GNG2: variants seen among roughly 807,000 people sequenced by gnomAD.
GNG2 encodes the protein guanine nucleotide-binding protein G(I)/G(S)/G(O) subunit gamma-2.
GNG2 carries 5 observed loss-of-function variants against 5.5 expected under a neutral mutation model. The observed-to-expected ratio is 0.91, with a 90% CI of 0.48 to 1.92. GNG2 has a LOEUF of 1.92. GNG2 is among the 30% of genes most tolerant of loss of function. The probability of loss-of-function intolerance (pLI) is 0.01; values close to 1 mark genes in which losing one functional copy is unlikely to be tolerated. For missense variants in GNG2, 55 were observed against 88.4 expected (o/e 0.62, Z 1.52); for synonymous variants, 28 against 32.0 (o/e 0.88, Z 0.42).
intron 2 of GNG2, among the ~76,000 whole-genome samples, chr14:51,852,571 C>T (rs554809657): frequency 1.7e-4 from 26 of 152,334 alleles, no homozygotes; most frequent in African/African-American, 4.3e-4. Flanking sequence ...CTAGCTTAGT[C>T]ATTTTCCTTT....
At chr14:51,869,598 A>G (rs1472162221) in intron 1 of GNG2, among the ~76,000 whole-genome samples, 1 of 152,108 alleles carries the variant, frequency 6.6e-6, no homozygotes, top group African/African-American at 2.4e-5. Context: ...TTGCAGCCTC[A>G]GCCTGCAGGT....
intron 2 of GNG2, among the ~76,000 whole-genome samples, chr14:51,880,226 T>G (rs1243042334): frequency 1.3e-5 from 2 of 152,124 alleles, no homozygotes; most frequent in African/African-American, 2.4e-5. Flanking sequence ...CTCTGGAGGG[T>G]TTGCCTACAG....
chr14:51,949,039 T>C (rs8003709), intron 2 of GNG2, among the ~76,000 whole-genome samples: 9,343 of 150,830 alleles, frequency 0.062, 562 homozygotes, highest in East Asian at 0.29. Context: ...GAGAATGGCA[T>C]GAACCTGGGT....
chr14:51,873,508 A>G (rs1883442499), intron 1 of GNG2, among the ~76,000 whole-genome samples: 1 of 152,274 alleles, frequency 6.6e-6, no homozygotes, highest in Non-Finnish European at 1.5e-5. Flanking sequence ...CTGAGAGGGA[A>G]GTGAAGAAAC....
intron 2 of GNG2, among the ~76,000 whole-genome samples, chr14:51,843,085 C>T (rs1484192266): frequency 6.6e-6 from 1 of 152,136 alleles, no homozygotes; most frequent in Non-Finnish European, 1.5e-5. Context: ...AGACTAACAA[C>T]CCAATTAAGT....
chr14:51,832,283 A>G (rs201893155), intron 2 of GNG2, among the ~76,000 whole-genome samples: 20 of 19,846 alleles, frequency 1.0e-3, no homozygotes, highest in Non-Finnish European at 2.6e-3. Context: ...TGTTACAGGG[A>G]GAAAAAAAAA....
Position 51,865,274 on chromosome 14 carries a change from T to A in GNG2, c.-71+4484T>A, listed in dbSNP as rs149588874. Among the ~76,000 whole-genome samples the A allele has an allele frequency of 4.3e-4, 66 of 152,252 alleles. 1 individual carries two copies. In the East Asian group the frequency reaches 0.011, roughly 25 times the overall value. On this transcript the variant is annotated intron_variant, in intron 1 of 3. Transcript: ENST00000556766. ...AAGCCAGGTGCCTGTCTTTACTAGA[T>A]CTGGGTGGGAGAGGAGAGTTGCAGA...
intron 2 of GNG2, among the ~76,000 whole-genome samples, chr14:51,950,321 G>A (rs922722718): frequency 6.6e-6 from 1 of 152,198 alleles, no homozygotes; most frequent in African/African-American, 2.4e-5. Context: ...TCCCACTATA[G>A]TGTCTCTGTA....
At chr14:51,936,534 C>T (rs1441732499) in intron 2 of GNG2, among the ~76,000 whole-genome samples, 33 of 144,864 alleles carry the variant, frequency 2.3e-4, no homozygotes, top group Non-Finnish European at 3.9e-4. Flanking sequence ...TTTTTTTACT[C>T]CATTGATTTT....
intron 2 of GNG2, chr14:51,916,465 T>C (rs1886635914): frequency 2.2e-6 from 1 of 454,118 alleles, no homozygotes; most frequent in Admixed American, 2.4e-5. Flanking sequence ...GATGCCAGTG[T>C]TATAACATCT....
rs1210405378 is a variant in GNG2, at chr14:51,969,781, G to GAATTTTCA, written c.*3095_*3102dup. On this transcript the variant is annotated 3_prime_UTR_variant, in exon 4 of 4. Transcript: ENST00000556766. ...GACAATGTATGTGTTTTAATAAATG[G>GAATTTTCA]AATTTTCAGATTCATTTCATATGCA... The GAATTTTCA allele has an allele frequency of 6.6e-6, 1 of 152,192 alleles. No homozygotes were observed. The highest frequency in any genetic ancestry group is 1.5e-5 in the Non-Finnish European group (1 of 68,034). 9.4% of individuals were successfully genotyped at this position (152,192 alleles called of 1,614,324 possible).
chr14:51,966,882 G>A lies in GNG2; in HGVS notation c.*195G>A, dbSNP rs1246521495. ...AGCCGATCCACATCCTGACTTAAGA[G>A]ATCTGATTCTGACGAACTGCCTGGA... On this transcript the variant is annotated 3_prime_UTR_variant, in exon 4 of 4. Coordinates refer to ENST00000556766, the MANE Select transcript of GNG2 (RefSeq NM_053064.5). 2.5e-5 allele frequency: 10 copies of A among 400,242 alleles called. No individual in the cohort carries two copies. In the Admixed American group the frequency reaches 3.7e-4, roughly 15 times the overall value. 24.8% of individuals were successfully genotyped at this position (400,242 alleles called of 1,614,324 possible).
At chr14:51,895,281 A>T (rs1885122019) in intron 2 of GNG2, among the ~76,000 whole-genome samples, 1 of 152,242 alleles carries the variant, frequency 6.6e-6, no homozygotes, top group African/African-American at 2.4e-5. Context: ...GCCAGGCCAA[A>T]ATGATCCACT....
intron 1 of GNG2, among the ~76,000 whole-genome samples, chr14:51,872,143 G>C (rs570940334): frequency 6.6e-6 from 1 of 152,348 alleles, no homozygotes; most frequent in South Asian, 2.1e-4. Flanking sequence ...GAAAGTGAGA[G>C]ATAAGCTTTG....
At chr14:51,876,517 G>GT (rs1328814278) in intron 1 of GNG2, among the ~76,000 whole-genome samples, 1 of 152,020 alleles carries the variant, frequency 6.6e-6, no homozygotes, top group Non-Finnish European at 1.5e-5. Context: ...GCCGGGCCCA[G>GT]AACCCCCTTG....
chr14:51,952,706 G>C (rs936684789), intron 3 of GNG2, among the ~76,000 whole-genome samples: 1 of 152,168 alleles, frequency 6.6e-6, no homozygotes, highest in South Asian at 2.1e-4. Context: ...AATAGAAATA[G>C]AGCTTTTCAG....
chr14:51,911,093 C>T lies in GNG2; in HGVS notation c.-30+33436C>T, dbSNP rs10147806. The stretch of plus-strand genomic sequence containing the variant: ...AGAATTTGTCTAGTGGTGCACTTGG[C>T]GGGTGAGAGGGGAGTGTGGTCAGGG... On this transcript the variant is annotated intron_variant, in intron 2 of 3. Transcript: ENST00000556766. Among the ~76,000 whole-genome samples the T allele has an allele frequency of 5.9e-5, 9 of 152,064 alleles. No homozygotes were observed. The South Asian group carries it at 6.2e-4, about 11-fold the overall frequency.
intron 2 of GNG2, among the ~76,000 whole-genome samples, chr14:51,923,720 A>C (rs1047285441): frequency 1.3e-5 from 2 of 152,184 alleles, no homozygotes; most frequent in African/African-American, 4.8e-5. Context: ...TAAAAGTTTC[A>C]CTTTATTTTA....
chr14:51,957,807 T>TTA (rs1205698239), intron 3 of GNG2, among the ~76,000 whole-genome samples: 1 of 152,210 alleles, frequency 6.6e-6, no homozygotes, highest in African/African-American at 2.4e-5. Flanking sequence ...CTTTTGGAGA[T>TTA]TATAGGCCAT....
Sources: allele counts gnomAD v4.1 joint callset (sites outside exome capture counted in the v4.1 genomes callset), GRCh38; gene constraint gnomAD v4.1.1; transcripts MANE v1.5; gene names NCBI Gene and HGNC (gene_info 2026-07-23, HGNC 2026-07-21).